The following PIK3C2G variants were observed in gnomAD, a reference collection of about 807,000 sequenced individuals.
The protein encoded by PIK3C2G is phosphatidylinositol-4-phosphate 3-kinase catalytic subunit type 2 gamma.
Under a neutral mutation model 181.1 loss-of-function variants are expected in PIK3C2G, and 168 were observed. That is an observed-to-expected ratio of 0.93 (90% confidence interval 0.82 to 1.05). The LOEUF (loss-of-function observed/expected upper bound fraction) is 1.05. Ranked by LOEUF, PIK3C2G falls within the 50% of genes least tolerant of loss-of-function variation. PIK3C2G has a pLI of 0.00. For missense variants in PIK3C2G, 1,869 were observed against 1,732.8 expected (o/e 1.08, Z -1.40); for synonymous variants, 573 against 592.2 (o/e 0.97, Z 0.47).
rs1945442487 is a variant in PIK3C2G, at chr12:18,563,257, T to C, written c.3781-120T>C. 4 of 880,330 alleles carry C rather than the reference T, an allele frequency of 4.5e-6. No homozygotes were observed. The South Asian group carries it at 7.3e-5, about 16-fold the overall frequency. The allele number at this position is 880,330 out of a possible 1,614,324, so 54.5% of individuals were successfully genotyped here. On this transcript the variant is annotated intron_variant, in intron 27 of 32. Transcript: ENST00000538779. ...CCTTTACAAAATGCATCTCCTAGCT[T>C]TTATGATAATGTTTTGCAGAAAGGT... is the stretch of plus-strand genomic sequence containing the variant.
At position 18,282,207 on chromosome 12, in the gene PIK3C2G, G is replaced by T; in HGVS notation, c.126G>T (p.Gln42His). 1 of 1,613,460 alleles carries T rather than the reference G, an allele frequency of 6.2e-7. No individual in the cohort carries two copies. Among genetic ancestry groups the T allele is most frequent in the Non-Finnish European group, 8.5e-7 (1 of 1,179,648 alleles). The change falls in exon 2 of 33, where the codon CAG becomes CAT. Residue 42 changes from glutamine (Q) to histidine (H), a missense_variant. Gln to His is a conservative substitution (Grantham distance 24, BLOSUM62 0). Transcript: ENST00000538779. ...GCCAAGTCAGTCTGGGTTTTGATCA[G>T]ATAGTAGATGAGATCAGTGGCAAAA... ...SSSQVSLGFD[Q>H]IVDEISGKIP...
At chr12:18,304,907 A>G (rs993470221) in intron 5 of PIK3C2G, among the ~76,000 whole-genome samples, 3 of 152,200 alleles carry the variant, frequency 2.0e-5, no homozygotes, top group African/African-American at 7.2e-5. Flanking sequence ...TCTCTTTTAC[A>G]TAACTCTACT....
At chr12:18,684,053 T>TATG in the PIK3C2G span, 2 of 1,492,070 alleles carry the variant, frequency 1.3e-6, no homozygotes, top group South Asian at 2.3e-5. Context: ...AGCTATTTGG[T>TATG]ATGTCAAAAT....
Position 18,429,699 on chromosome 12 carries a change from T to C in PIK3C2G, c.2504+5660T>C, listed in dbSNP as rs114356687. ...AACTCAGTAGATACTCAAAAAATGT[T>C]TTAAAAATTATGAATCCACAGAAAT... On this transcript the variant is annotated intron_variant, in intron 18 of 32. Coordinates refer to ENST00000538779, the MANE Select transcript of PIK3C2G (RefSeq NM_001288772.2). 7.6e-3 allele frequency among the ~76,000 whole-genome samples: 1,159 copies of C among 152,220 alleles called. 16 individuals are homozygous for C. The highest frequency in any genetic ancestry group is 0.027 in the African/African-American group (1,103 of 41,526).
At chr12:18,646,734 A>G (rs1950157618) in intron 32 of PIK3C2G, among the ~76,000 whole-genome samples, 2 of 152,128 alleles carry the variant, frequency 1.3e-5, no homozygotes, top group Admixed American at 1.3e-4. Flanking sequence ...AATGTGTTCT[A>G]AGACATTTCC....
At chr12:18,600,058 G>A (rs1947623829) in intron 30 of PIK3C2G, among the ~76,000 whole-genome samples, 1 of 151,610 alleles carries the variant, frequency 6.6e-6, no homozygotes, top group African/African-American at 2.4e-5. Flanking sequence ...TAGATTTATA[G>A]AAAAATAAAG....
the PIK3C2G span, among the ~76,000 whole-genome samples, chr12:18,717,889 G>A: frequency 5.3e-5 from 8 of 152,194 alleles, no homozygotes; most frequent in South Asian, 4.1e-4. Flanking sequence ...ATCGCATTTC[G>A]AATTTTGAAT....
chr12:18,255,461 T>C (rs2136968731), intron 1 of PIK3C2G, among the ~76,000 whole-genome samples: 1 of 152,288 alleles, frequency 6.6e-6, no homozygotes, highest in South Asian at 2.1e-4. Context: ...ACTTGTGTTT[T>C]TACTTTCTTT....
intron 31 of PIK3C2G, among the ~76,000 whole-genome samples, chr12:18,614,567 G>C (rs947100225): frequency 3.9e-5 from 6 of 152,138 alleles, no homozygotes; most frequent in East Asian, 1.9e-4. Context: ...CTTGGCTCTT[G>C]TAAATTTAAG....
chr12:18,645,808 A>G (rs548371077), intron 32 of PIK3C2G, among the ~76,000 whole-genome samples: 1 of 152,282 alleles, frequency 6.6e-6, no homozygotes, highest in South Asian at 2.1e-4. Context: ...AATTATTGAT[A>G]TGTTTTTTAA....
At chr12:18,422,319 T>G (rs558938044) in intron 17 of PIK3C2G, among the ~76,000 whole-genome samples, 1 of 138,838 alleles carries the variant, frequency 7.2e-6, no homozygotes, top group African/African-American at 2.5e-5. Context: ...CTAGAAAAAT[T>G]TAAAAAAAAA....
intron 18 of PIK3C2G, among the ~76,000 whole-genome samples, chr12:18,483,436 A>G (rs1038441291): frequency 1.3e-5 from 2 of 152,192 alleles, no homozygotes; most frequent in Non-Finnish European, 1.5e-5. Context: ...TAATAAAATA[A>G]CAACAGAATT....
intron 13 of PIK3C2G, among the ~76,000 whole-genome samples, chr12:18,377,458 G>A (rs1438994165): frequency 1.3e-5 from 2 of 152,136 alleles, no homozygotes; most frequent in East Asian, 3.9e-4. Flanking sequence ...TGATTACATG[G>A]ATGTGTTGCG....
chr12:18,295,907 T>C (rs1234531316), intron 5 of PIK3C2G, among the ~76,000 whole-genome samples: 2 of 152,026 alleles, frequency 1.3e-5, no homozygotes. Context: ...GTCTAAAAAA[T>C]ATGTCCTTAA....
At chr12:18,476,191 T>G (rs1938972125) in intron 18 of PIK3C2G, among the ~76,000 whole-genome samples, 1 of 152,196 alleles carries the variant, frequency 6.6e-6, no homozygotes, top group South Asian at 2.1e-4. Flanking sequence ...AAGCTTTTTT[T>G]AGAAAATGTG....
At chr12:18,428,501 A>G (rs1207775497) in intron 18 of PIK3C2G, among the ~76,000 whole-genome samples, 11 of 152,258 alleles carry the variant, frequency 7.2e-5, no homozygotes, top group African/African-American at 2.4e-4. Context: ...AACATGACCA[A>G]TTATTCACCA....
At chr12:18,265,792 T>A (rs1948460695) in intron 1 of PIK3C2G, among the ~76,000 whole-genome samples, 1 of 152,080 alleles carries the variant, frequency 6.6e-6, no homozygotes, top group African/African-American at 2.4e-5. Context: ...GGTGGGCAGA[T>A]CACCTGAGGT....
chr12:18,466,207 T>C (rs1405743905), intron 18 of PIK3C2G, among the ~76,000 whole-genome samples: 6 of 151,780 alleles, frequency 4.0e-5, no homozygotes, highest in Admixed American at 6.6e-5. Flanking sequence ...CTCTTATTCA[T>C]CTTTTTTATT....
chr12:18,312,348 CA>C (rs1438235579), intron 5 of PIK3C2G, among the ~76,000 whole-genome samples: 2 of 152,186 alleles, frequency 1.3e-5, no homozygotes, highest in Non-Finnish European at 2.9e-5. Flanking sequence ...AGGCTGAAGT[CA>C]TTGCACTGGT....
Sources: allele counts gnomAD v4.1 joint callset (sites outside exome capture counted in the v4.1 genomes callset), GRCh38; gene constraint gnomAD v4.1.1; transcripts MANE v1.5; gene names NCBI Gene and HGNC (gene_info 2026-07-23, HGNC 2026-07-21).